The following ZBTB25 variants were observed in gnomAD, a reference collection of about 807,000 sequenced individuals.
ZBTB25 encodes zinc finger and BTB domain-containing protein 25.
ZBTB25 carries 20 observed loss-of-function variants against 34.2 expected under a neutral mutation model. The ratio of observed to expected loss-of-function variants is 0.58; its 90% CI spans 0.41 to 0.85. ZBTB25 has a LOEUF of 0.85. Ranked by LOEUF, ZBTB25 falls within the 40% of genes least tolerant of loss-of-function variation. The pLI is 0.00. For missense variants in ZBTB25, 437 were observed against 521.8 expected, an observed-to-expected ratio of 0.84 and a Z score of 1.58; for synonymous variants, 175 against 186.4, an observed-to-expected ratio of 0.94 and a Z score of 0.50.
intron 2 of ZBTB25, among the ~76,000 whole-genome samples, chr14:64,457,668 C>T (rs2078497688): frequency 6.6e-6 from 1 of 152,008 alleles, no homozygotes; most frequent in African/African-American, 2.4e-5. Context: ...GTTGGTCAGG[C>T]TGGTCTCAAA....
rs2078803534 is a variant in ZBTB25, at chr14:64,482,284, C to T, written c.*4639G>A. Reference sequence around the variant, plus strand: ...TTGCCAACATGATGAAACCCCATCTCTACTAAAAATACAAAAATTAGCTGG... The same window carrying T: ...TTGCCAACATGATGAAACCCCATCTTTACTAAAAATACAAAAATTAGCTGG... On this transcript the variant is annotated 3_prime_UTR_variant, in exon 3 of 3. Transcript: ENST00000608382. 6.6e-6 allele frequency: 1 copy of T among 152,120 alleles called. No individual in the cohort carries two copies. Among genetic ancestry groups the T allele is most frequent in the Non-Finnish European group, 1.5e-5 (1 of 68,042 alleles). 9.4% of individuals were successfully genotyped at this position (152,120 alleles called of 1,614,324 possible).
At position 64,486,285 on chromosome 14, in the gene ZBTB25, C is replaced by G; in HGVS notation, c.*638G>C. The G allele has an allele frequency of 1.0e-6, 1 of 980,092 alleles. No individual in the cohort carries two copies. The highest frequency in any genetic ancestry group is 1.2e-6 in the Non-Finnish European group (1 of 825,876). 60.7% of individuals were successfully genotyped at this position (980,092 alleles called of 1,614,324 possible). ...CCACTGCGCCCCAGCCTGGGCGACA[C>G]AGAGAGACTCTGTCTCAAAAAAAAA... On this transcript the variant is annotated 3_prime_UTR_variant, in exon 3 of 3. Coordinates refer to ENST00000608382, the MANE Select transcript of ZBTB25 (RefSeq NM_006977.5).
intron 2 of ZBTB25, among the ~76,000 whole-genome samples, chr14:64,464,059 G>A (rs1355876896): frequency 6.6e-6 from 1 of 151,200 alleles, no homozygotes; most frequent in Non-Finnish European, 1.5e-5. Context: ...TTTGAGGCAG[G>A]GTCTCACTTT....
chr14:64,501,168 G>A (rs2079484094), intron 1 of ZBTB25, among the ~76,000 whole-genome samples: 1 of 152,208 alleles, frequency 6.6e-6, no homozygotes, highest in East Asian at 1.9e-4. Context: ...GCAGGTTCAA[G>A]TAGCAATATC....
chr14:64,486,998 T>C lies in ZBTB25; in HGVS notation c.1233A>G (p.Gln411=), dbSNP rs1349758030. The change falls in exon 3 of 3, where the codon CAA becomes CAG. Residue 411 remains glutamine (Q), a synonymous_variant. Coordinates refer to ENST00000608382, the MANE Select transcript of ZBTB25 (RefSeq NM_006977.5). The part of the protein sequence containing the change: ...DVSLKSSRLS[Q]EHLDLPCALE... Reference sequence around the variant, plus strand: ...AGGCACAAGGCAAGTCTAAGTGTTCTTGTGACAAGCGAGAACTTTTCAGGG... The same window carrying C: ...AGGCACAAGGCAAGTCTAAGTGTTCCTGTGACAAGCGAGAACTTTTCAGGG... 18 of 1,614,102 alleles carry C rather than the reference T, an allele frequency of 1.1e-5. No individual in the cohort carries two copies. The highest frequency in any genetic ancestry group is 1.5e-5 in the Non-Finnish European group (18 of 1,180,042).
At chr14:64,453,916 C>A in intron 2 of ZBTB25, 1 of 1,135,752 alleles carries the variant, frequency 8.8e-7, no homozygotes, top group Non-Finnish European at 1.3e-6. Context: ...GACTTGGAGT[C>A]ACAATCTCTG....
chr14:64,459,247 G>A (rs1023201538), intron 2 of ZBTB25, among the ~76,000 whole-genome samples: 1 of 152,178 alleles, frequency 6.6e-6, no homozygotes. Context: ...AAAGGAAGAC[G>A]TGAGTTTTGG....
At position 64,487,213 on chromosome 14, in the gene ZBTB25, TAC is replaced by T. The variant is rs766126386; in HGVS notation, c.1016_1017del (p.Cys339Ter). On this transcript the variant is annotated frameshift_variant, in exon 3 of 3. Transcript: ENST00000608382. LOFTEE classifies it high-confidence loss of function. ...SKDTEPVELN[C>X]NFSFSRKRKM... ...TTTCTTTTCCTTGAAAAAGAAAAAT[TAC>T]AGTTTAATTCTACTGGCTCTGTGTC... 63 of 1,614,044 alleles carry T rather than the reference TAC, an allele frequency of 3.9e-5. No individual in the cohort carries two copies. Among genetic ancestry groups the T allele is most frequent in the Non-Finnish European group, 4.8e-5 (57 of 1,180,034 alleles).
At chr14:64,451,679 T>C (rs778646843) in intron 2 of ZBTB25, among the ~76,000 whole-genome samples, 17 of 152,210 alleles carry the variant, frequency 1.1e-4, no homozygotes, top group Non-Finnish European at 1.8e-4. Context: ...CAGGGACATA[T>C]GGACTTTAGA....
chr14:64,464,868 C>T (rs2078593657), intron 2 of ZBTB25, among the ~76,000 whole-genome samples: 1 of 152,206 alleles, frequency 6.6e-6, no homozygotes. Flanking sequence ...GCAGCTGCTC[C>T]TGCAGGCCAA....
At chr14:64,493,578 G>A (rs1367762603) in intron 1 of ZBTB25, among the ~76,000 whole-genome samples, 1 of 152,054 alleles carries the variant, frequency 6.6e-6, no homozygotes, top group Non-Finnish European at 1.5e-5. Context: ...AGCCTACTAT[G>A]GTATCAAAGT....
intron 1 of ZBTB25, chr14:64,502,849 T>C: frequency 8.2e-6 from 8 of 980,190 alleles, no homozygotes; most frequent in Non-Finnish European, 9.7e-6. Flanking sequence ...AGATTTTCTA[T>C]AAGGCACCTC....
chr14:64,497,681 C>T (rs1464692977), intron 1 of ZBTB25, among the ~76,000 whole-genome samples: 1 of 152,148 alleles, frequency 6.6e-6, no homozygotes, highest in Admixed American at 6.5e-5. Flanking sequence ...GATGGAACAA[C>T]TTTATACTAG....
intron 2 of ZBTB25, among the ~76,000 whole-genome samples, chr14:64,490,102 G>T (rs973028862): frequency 1.5e-4 from 22 of 149,516 alleles, no homozygotes; most frequent in Non-Finnish European, 3.0e-4. Context: ...CAGGTACTCG[G>T]GAGGCTGAGG....
At position 64,485,587 on chromosome 14, in the gene ZBTB25, G is replaced by A. The variant is rs1023045596; in HGVS notation, c.*1336C>T. On this transcript the variant is annotated 3_prime_UTR_variant, in exon 3 of 3. Coordinates refer to ENST00000608382, the MANE Select transcript of ZBTB25 (RefSeq NM_006977.5). ...AAAGAGAGTTAAGTTGATTTATAGA[G>A]GAAAAGCTAACATCATGGATCTTAA... 1.0e-5 allele frequency: 10 copies of A among 985,080 alleles called. No homozygotes were observed. Among genetic ancestry groups the A allele is most frequent in the Non-Finnish European group, 1.2e-5 (10 of 829,812 alleles). 61.0% of individuals were successfully genotyped at this position (985,080 alleles called of 1,614,324 possible). A position where few individuals can be genotyped will look rare whatever the true frequency, so the allele number is the denominator to read the frequency against.
Position 64,486,638 on chromosome 14 carries a change from T to C in ZBTB25, c.*285A>G. Reference sequence around the variant, plus strand: ...TTCTATAACTGGAAAAACTTAGAATTCTATAAATAACTATTTAAGGTTTCC... The same window carrying C: ...TTCTATAACTGGAAAAACTTAGAATCCTATAAATAACTATTTAAGGTTTCC... On this transcript the variant is annotated 3_prime_UTR_variant, in exon 3 of 3. Coordinates refer to ENST00000608382, the MANE Select transcript of ZBTB25 (RefSeq NM_006977.5). 1 of 996,764 alleles carries C rather than the reference T, an allele frequency of 1.0e-6. No homozygotes were observed. The highest frequency in any genetic ancestry group is 1.2e-6 in the Non-Finnish European group (1 of 815,058). The allele number at this position is 996,764 out of a possible 1,614,324, so 61.7% of individuals were successfully genotyped here.
At chr14:64,503,281 CCGCTCGTAAGAGGGGTCGG>C (rs1235847534) in intron 1 of ZBTB25, 2 of 985,290 alleles carry the variant, frequency 2.0e-6, no homozygotes, top group Non-Finnish European at 2.4e-6. Context: ...GGAAAGTCGC[CCGCTCGTAAGAGGGGTCGG>C]CGCTACCCGA....
chr14:64,465,044 C>G (rs546519294), intron 2 of ZBTB25, among the ~76,000 whole-genome samples: 1 of 152,356 alleles, frequency 6.6e-6, no homozygotes, highest in South Asian at 2.1e-4. Flanking sequence ...CAAACATGAC[C>G]TCGCTATTCT....
At chr14:64,461,454 A>C (rs940747813) in intron 2 of ZBTB25, 2 of 152,022 alleles carry the variant, frequency 1.3e-5, no homozygotes, top group African/African-American at 4.8e-5. Flanking sequence ...TTACTCAAAC[A>C]CATCATCTAA....
Sources: gnomAD v4.1 joint callset for allele counts (sites outside exome capture counted in the v4.1 genomes callset) on GRCh38, gnomAD v4.1.1 for gene constraint, MANE v1.5 for transcripts, NCBI Gene and HGNC (gene_info 2026-07-23, HGNC 2026-07-21) for gene names.